The following IQCM variants were observed in gnomAD, a reference collection of about 807,000 sequenced individuals.
IQCM encodes the protein IQ motif containing M.
IQCM carries 45 observed loss-of-function variants against 57.6 expected under a neutral mutation model. The observed-to-expected ratio is 0.78, with a 90% CI of 0.62 to 1.00. IQCM has a LOEUF of 1.00. Among genes scored for constraint, IQCM ranks in the 50% least tolerant of loss-of-function variants. The pLI, the probability that IQCM is intolerant of heterozygous loss-of-function variation, is 0.00. For missense variants in IQCM, 468 were observed against 511.6 expected (o/e 0.91, Z 0.82); for synonymous variants, 148 against 158.9 (o/e 0.93, Z 0.51).
intron 5 of IQCM, among the ~76,000 whole-genome samples, chr4:149,713,258 C>T (rs1202669182): frequency 1.3e-5 from 2 of 152,150 alleles, no homozygotes; most frequent in Admixed American, 1.3e-4. Context: ...CCTTTTTACC[C>T]TCCCTTGCCA....
chr4:149,592,887 G>A (rs1226250389), intron 8 of IQCM, among the ~76,000 whole-genome samples: 4 of 152,184 alleles, frequency 2.6e-5, no homozygotes, highest in African/African-American at 7.2e-5. Flanking sequence ...AAGTCAGGTA[G>A]TGTGATGCCT....
At chr4:149,539,438 T>G (rs369588232) in intron 12 of IQCM, among the ~76,000 whole-genome samples, 1 of 152,290 alleles carries the variant, frequency 6.6e-6, no homozygotes, top group African/African-American at 2.4e-5. Flanking sequence ...TTTGAGGTTA[T>G]GAAAATCTTT....
In IQCM at chr4:149,734,004, A is replaced by G. The variant is rs73857720; in HGVS notation, c.121-496T>C. 8.9e-3 allele frequency among the ~76,000 whole-genome samples: 1,360 copies of G among 152,260 alleles called. 9 individuals are homozygous for G. Among genetic ancestry groups the G allele is most frequent in the African/African-American group, 0.03 (1,259 of 41,548 alleles). On this transcript the variant is annotated intron_variant, in intron 4 of 13. Coordinates refer to ENST00000636793, the MANE Select transcript of IQCM (RefSeq NM_001363507.2). ...CTCAAAAAGAGCATACTGGTAATAC[A>G]ACATACATTTCATATCCTTTAATCA...
chr4:149,355,129 G>A (rs1728866825), intron 13 of IQCM, among the ~76,000 whole-genome samples: 1 of 151,738 alleles, frequency 6.6e-6, no homozygotes, highest in Non-Finnish European at 1.5e-5. Flanking sequence ...AAATTTCACT[G>A]GCAATTATAA....
At chr4:149,357,201 T>A (rs1729067496) in intron 13 of IQCM, among the ~76,000 whole-genome samples, 4 of 152,222 alleles carry the variant, frequency 2.6e-5, no homozygotes, top group Admixed American at 2.6e-4. Flanking sequence ...ACAGGGACAA[T>A]TTGAGTTCCT....
At chr4:149,459,063 A>G (rs1170678639) in intron 12 of IQCM, among the ~76,000 whole-genome samples, 2 of 152,160 alleles carry the variant, frequency 1.3e-5, no homozygotes, top group East Asian at 1.9e-4. Flanking sequence ...ATATTCCCAC[A>G]TGTTTCATAG....
intron 2 of IQCM, among the ~76,000 whole-genome samples, chr4:149,782,086 T>C (rs1771654981): frequency 6.6e-6 from 1 of 152,058 alleles, no homozygotes; most frequent in African/African-American, 2.4e-5. Context: ...ATAATAATAA[T>C]AACAATACTT....
intron 10 of IQCM, among the ~76,000 whole-genome samples, chr4:149,554,979 G>C (rs1749440200): frequency 6.6e-6 from 1 of 151,986 alleles, no homozygotes; most frequent in Admixed American, 6.6e-5. Context: ...GATTACAGGC[G>C]TGAGCCACTG....
chr4:149,397,361 C>A (rs937707146), intron 13 of IQCM, among the ~76,000 whole-genome samples: 9 of 151,826 alleles, frequency 5.9e-5, no homozygotes, highest in Non-Finnish European at 1.5e-5. Flanking sequence ...GTGTCCCCAC[C>A]CAAATCGAAT....
intron 8 of IQCM, among the ~76,000 whole-genome samples, chr4:149,609,303 C>T (rs948436844): frequency 4.6e-5 from 7 of 151,708 alleles, no homozygotes. Context: ...TTGTATTCTA[C>T]CAAACATTTA....
intron 5 of IQCM, among the ~76,000 whole-genome samples, chr4:149,731,052 T>G (rs918260188): frequency 1.3e-5 from 2 of 152,206 alleles, no homozygotes; most frequent in East Asian, 1.9e-4. Flanking sequence ...TTAACAGGTC[T>G]AAAACTGAAT....
chr4:149,523,537 G>C (rs1385749235), intron 12 of IQCM, among the ~76,000 whole-genome samples: 2 of 152,052 alleles, frequency 1.3e-5, no homozygotes, highest in Non-Finnish European at 2.9e-5. Flanking sequence ...ACATACCCAA[G>C]TATTCCAGCT....
intron 11 of IQCM, among the ~76,000 whole-genome samples, chr4:149,549,484 C>T (rs1190766817): frequency 6.6e-6 from 1 of 152,230 alleles, no homozygotes; most frequent in Admixed American, 6.5e-5. Flanking sequence ...CGCCACTGCA[C>T]TCCAGCCTGG....
chr4:149,523,008 A>G (rs1200075457), intron 12 of IQCM, among the ~76,000 whole-genome samples: 1 of 152,162 alleles, frequency 6.6e-6, no homozygotes, highest in Non-Finnish European at 1.5e-5. Context: ...ACAAATATTT[A>G]TTTCTCATGA....
At chr4:149,672,143 G>T (rs1021405914) in intron 7 of IQCM, among the ~76,000 whole-genome samples, 2 of 152,096 alleles carry the variant, frequency 1.3e-5, no homozygotes, top group African/African-American at 4.8e-5. Flanking sequence ...AAGACGAAAG[G>T]TAGATAAAAC....
At chr4:149,710,778 C>T (rs1260267659) in intron 5 of IQCM, among the ~76,000 whole-genome samples, 6 of 152,232 alleles carry the variant, frequency 3.9e-5, no homozygotes, top group African/African-American at 1.4e-4. Flanking sequence ...CACTTAGGTG[C>T]CATTTCTTTT....
intron 2 of IQCM, among the ~76,000 whole-genome samples, chr4:149,751,589 A>G (rs896526145): frequency 2.0e-5 from 3 of 152,194 alleles, no homozygotes; most frequent in Non-Finnish European, 4.4e-5. Flanking sequence ...ATCTGTAATA[A>G]TCATTGTATA....
intron 12 of IQCM, among the ~76,000 whole-genome samples, chr4:149,476,730 A>T (rs903287451): frequency 2.0e-5 from 3 of 152,030 alleles, no homozygotes; most frequent in Non-Finnish European, 2.9e-5. Context: ...AAAATGCTTA[A>T]TTTTTTTCCT....
intron 13 of IQCM, among the ~76,000 whole-genome samples, chr4:149,369,585 G>A (rs1046221414): frequency 6.6e-6 from 1 of 152,118 alleles, no homozygotes; most frequent in African/African-American, 2.4e-5. Flanking sequence ...AAATTCACAA[G>A]CAAGTGCTTA....
Sources: allele counts gnomAD v4.1 joint callset (sites outside exome capture counted in the v4.1 genomes callset), GRCh38; gene constraint gnomAD v4.1.1; transcripts MANE v1.5; gene names NCBI Gene and HGNC (gene_info 2026-07-23, HGNC 2026-07-21).